The following BMF variants were observed in gnomAD, a reference collection of about 807,000 sequenced individuals.
The protein encoded by BMF is bcl-2-modifying factor.
BMF carries 10 observed loss-of-function variants against 22.0 expected under a neutral mutation model. The observed-to-expected ratio is 0.45, with a 90% CI of 0.28 to 0.77. The LOEUF (loss-of-function observed/expected upper bound fraction) is 0.77, where lower values mean the gene tolerates loss of function less well. Among genes scored for constraint, BMF ranks in the 30% least tolerant of loss-of-function variants. The pLI, the probability that BMF is intolerant of heterozygous loss-of-function variation, is 0.13. For synonymous variants in BMF, 87 were observed against 88.1 expected (o/e 0.99, Z 0.07); for missense variants, 206 against 226.8 (o/e 0.91, Z 0.59).
chr15:40,098,917 G>T (rs571426261), intron 4 of BMF, among the ~76,000 whole-genome samples: 41 of 152,316 alleles, frequency 2.7e-4, no homozygotes, highest in African/African-American at 9.6e-4. Context: ...TGATGACTCA[G>T]AAGCTAAATA....
At position 40,106,832 on chromosome 15, in the gene BMF, T is replaced by C. The variant is rs1043205962; in HGVS notation, c.-5-741A>G. On this transcript the variant is annotated intron_variant, in intron 2 of 4. Transcript: ENST00000354670. This position sits in a 1 kb window ranked among gnomAD's most constrained non-coding sequence, Gnocchi z 4.1. Reference sequence around the variant, plus strand: ...TCTCTTTGAGCAGAGTTGAGCTGTCTGCCCACCAAAGTTTGGCCTAGAGGG... The same window carrying C: ...TCTCTTTGAGCAGAGTTGAGCTGTCCGCCCACCAAAGTTTGGCCTAGAGGG... 6.6e-6 allele frequency among the ~76,000 whole-genome samples: 1 copy of C among 152,230 alleles called. No individual in the cohort carries two copies.
At chr15:40,108,646 G>A (rs948423092) in intron 1 of BMF, 127 bp downstream of exon 1, 5 of 152,490 alleles carry the variant, frequency 3.3e-5, no homozygotes, top group African/African-American at 1.2e-4. Flanking sequence ...GTTCTTCATG[G>A]TCACCCCAGA....
rs2036240177 is a variant in BMF, at chr15:40,091,908, A to G, written c.454-20T>C. 6.4e-7 allele frequency: 1 copy of G among 1,550,896 alleles called. No individual in the cohort carries two copies. The highest frequency in any genetic ancestry group is 1.4e-5 in the African/African-American group (1 of 72,698). ...CTGGTGCTGAAGGGAGAAAAAAAAA[A>G]AAGACCAACATAACTCCCAAACGCA... is the stretch of plus-strand genomic sequence containing the variant. On this transcript the variant is annotated intron_variant, in intron 4 of 4. Coordinates refer to ENST00000354670, the MANE Select transcript of BMF (RefSeq NM_001003940.2).
chr15:40,090,010 G>C lies in BMF; in HGVS notation c.*1777C>G, dbSNP rs1259006796. On this transcript the variant is annotated 3_prime_UTR_variant, in exon 5 of 5. Coordinates refer to ENST00000354670, the MANE Select transcript of BMF (RefSeq NM_001003940.2). ...AATATCTGAGCAGAACAAAACAAAG[G>C]CTTACATGCACAGTTTGAGGCCCTT... 1 of 152,616 alleles carries C rather than the reference G, an allele frequency of 6.6e-6. No individual in the cohort carries two copies. Among genetic ancestry groups the C allele is most frequent in the East Asian group, 1.9e-4 (1 of 5,196 alleles). 9.5% of individuals were successfully genotyped at this position (152,616 alleles called of 1,614,324 possible). A position where few individuals can be genotyped will look rare whatever the true frequency, so the allele number is the denominator to read the frequency against.
intron 4 of BMF, among the ~76,000 whole-genome samples, chr15:40,102,543 C>CG (rs1453961003): frequency 2.0e-5 from 3 of 152,100 alleles, no homozygotes; most frequent in African/African-American, 7.2e-5. Context: ...GGAGGGCTCC[C>CG]GGCCTATTCC....
At chr15:40,095,648 C>A (rs518773) in intron 4 of BMF, among the ~76,000 whole-genome samples, 1 of 152,132 alleles carries the variant, frequency 6.6e-6, no homozygotes, top group Non-Finnish European at 1.5e-5. Flanking sequence ...ACCCAAGGGT[C>A]GGGGCTGGGA....
At chr15:40,103,548 G>A (rs931861905) in intron 4 of BMF, among the ~76,000 whole-genome samples, 13 of 152,216 alleles carry the variant, frequency 8.5e-5, no homozygotes, top group South Asian at 6.2e-4. Flanking sequence ...CCCCGCCCTG[G>A]CGGGGCTGGT....
Position 40,094,103 on chromosome 15 carries a change from C to A in BMF, c.454-2215G>T, listed in dbSNP as rs148286417. Among the ~76,000 whole-genome samples, 20 of 152,296 alleles carry A rather than the reference C, an allele frequency of 1.3e-4. No individual in the cohort carries two copies. In the East Asian group the frequency reaches 3.9e-3, roughly 29 times the overall value. Reference sequence around the variant, plus strand: ...TAGCCTCCCCTTTACTAAATCATCTCAAAACAGCTCAATGGCCAAGGAAAG... The same window carrying A: ...TAGCCTCCCCTTTACTAAATCATCTAAAAACAGCTCAATGGCCAAGGAAAG... On this transcript the variant is annotated intron_variant, in intron 4 of 4. Transcript: ENST00000354670.
chr15:40,098,111 G>A (rs1370212419), intron 4 of BMF, among the ~76,000 whole-genome samples: 1 of 152,246 alleles, frequency 6.6e-6, no homozygotes, highest in African/African-American at 2.4e-5. Flanking sequence ...AGCCAGCAGT[G>A]TTAACAGGAC....
chr15:40,103,922 G>A (rs2036530902), intron 4 of BMF, among the ~76,000 whole-genome samples: 1 of 152,208 alleles, frequency 6.6e-6, no homozygotes, highest in Non-Finnish European at 1.5e-5. Flanking sequence ...CCTATTCCCA[G>A]ACTGTAGCCT....
At chr15:40,098,811 G>A (rs1339310508) in intron 4 of BMF, among the ~76,000 whole-genome samples, 1 of 152,148 alleles carries the variant, frequency 6.6e-6, no homozygotes, top group African/African-American at 2.4e-5. Context: ...TTGGTGGGGA[G>A]GGAATGAACT....
intron 4 of BMF, among the ~76,000 whole-genome samples, chr15:40,094,867 A>G (rs1036005902): frequency 2.0e-5 from 3 of 152,194 alleles, no homozygotes; most frequent in Admixed American, 2.0e-4. Flanking sequence ...AGGCTAGAAA[A>G]CACTTCACGT....
At chr15:40,103,365 G>A (rs887676441) in intron 4 of BMF, among the ~76,000 whole-genome samples, 1 of 152,252 alleles carries the variant, frequency 6.6e-6, no homozygotes, top group African/African-American at 2.4e-5. Context: ...CAGCCATCCA[G>A]AAAGCCAGCC....
chr15:40,094,466 A>G (rs1160307390), intron 4 of BMF, among the ~76,000 whole-genome samples: 2 of 152,184 alleles, frequency 1.3e-5, no homozygotes, highest in Non-Finnish European at 2.9e-5. Context: ...GGAAGGCTCT[A>G]TGGTGCATGG....
Position 40,090,547 on chromosome 15 carries a change from C to G in BMF, c.*1240G>C, listed in dbSNP as rs1283486561. On this transcript the variant is annotated 3_prime_UTR_variant, in exon 5 of 5. Transcript: ENST00000354670. ...GCCGCAGCAGGGAGAGAAGGGAAGA[C>G]GTGCACAGGCAGCTGTGATCCTGCT... is the stretch of plus-strand genomic sequence containing the variant. The G allele has an allele frequency of 6.5e-6, 1 of 152,690 alleles. No individual in the cohort carries two copies. Among genetic ancestry groups the G allele is most frequent in the Non-Finnish European group, 1.5e-5 (1 of 68,070 alleles). The allele number at this position is 152,690 out of a possible 1,614,324, so 9.5% of individuals were successfully genotyped here.
In BMF at chr15:40,089,568, G is replaced by A. The variant is rs2140984232; in HGVS notation, c.*2219C>T. Reference sequence around the variant, plus strand: ...TCTGGGCTCAGTTCTCAGGCCACAGGGCACCCAGCCTGGGCCTGGCAAGGT... The same window carrying A: ...TCTGGGCTCAGTTCTCAGGCCACAGAGCACCCAGCCTGGGCCTGGCAAGGT... On this transcript the variant is annotated 3_prime_UTR_variant, in exon 5 of 5. Transcript: ENST00000354670. The A allele has an allele frequency of 6.6e-6, 1 of 152,348 alleles. No homozygotes were observed. Among genetic ancestry groups the A allele is most frequent in the East Asian group, 1.9e-4 (1 of 5,182 alleles). 9.4% of individuals were successfully genotyped at this position (152,348 alleles called of 1,614,324 possible).
Position 40,106,952 on chromosome 15 carries a change from G to A in BMF, c.-5-861C>T, listed in dbSNP as rs2036600435. On this transcript the variant is annotated intron_variant, in intron 2 of 4. Coordinates refer to ENST00000354670, the MANE Select transcript of BMF (RefSeq NM_001003940.2). The surrounding 1 kb of genome is among the most constrained non-coding windows in gnomAD (Gnocchi z 4.1). ...TCCCGCTCCTGCCAGCTCTGAACCT[G>A]AGACTGGTACAACTGGTCTTACAGA... Among the ~76,000 whole-genome samples, 1 of 152,194 alleles carries A rather than the reference G, an allele frequency of 6.6e-6. No homozygotes were observed. Among genetic ancestry groups the A allele is most frequent in the Non-Finnish European group, 1.5e-5 (1 of 68,034 alleles).
At chr15:40,098,089 C>T (rs1237495535) in intron 4 of BMF, among the ~76,000 whole-genome samples, 1 of 152,240 alleles carries the variant, frequency 6.6e-6, no homozygotes, top group East Asian at 1.9e-4. Context: ...TTGCCAAGAG[C>T]TTCCTCAGCC....
chr15:40,094,201 A>G (rs2036307770), intron 4 of BMF, among the ~76,000 whole-genome samples: 1 of 152,148 alleles, frequency 6.6e-6, no homozygotes, highest in Admixed American at 6.5e-5. Flanking sequence ...CCCAAATTCC[A>G]CTAATGGAGG....
Sources: allele counts gnomAD v4.1 joint callset (sites outside exome capture counted in the v4.1 genomes callset), GRCh38; gene constraint gnomAD v4.1.1; non-coding constraint Gnocchi (gnomAD v3.1); transcripts MANE v1.5; gene names NCBI Gene and HGNC (gene_info 2026-07-23, HGNC 2026-07-21).